RFX1: variants seen among roughly 807,000 people sequenced by gnomAD.
RFX1 encodes the protein MHC class II regulatory factor RFX1.
In RFX1, 42 loss-of-function variants were observed where a neutral mutation model predicts 119.6. That is an observed-to-expected ratio of 0.35 (90% CI 0.27 to 0.45). The LOEUF (loss-of-function observed/expected upper bound fraction) is 0.45, where lower values mean the gene tolerates loss of function less well. Ranked by LOEUF, RFX1 falls within the 20% of genes least tolerant of loss-of-function variation. The pLI is 1.00. For synonymous variants in RFX1, 628 were observed against 618.5 expected (o/e 1.02, Z -0.23); for missense variants, 1,118 against 1,368.1 (o/e 0.82, Z 2.88).
In RFX1 at chr19:13,968,606, G is replaced by T; in HGVS notation, c.1691C>A (p.Ser564Ter). ...AVGQQPSTGL[S>*]DISAQVQQYQ... ...CTGCTGCACCTGGGCGCTGATGTCCGACAGCCCCGTGCTCGGCTGCTGCCC... is the reference window on the plus strand; with the variant it reads ...CTGCTGCACCTGGGCGCTGATGTCCTACAGCCCCGTGCTCGGCTGCTGCCC... Residue 564 changes from serine to a stop codon, truncating the protein, a stop_gained, in exon 12 of 21, where the codon TCG (serine) becomes TAG (stop). Transcript: ENST00000254325. LOFTEE classifies it high-confidence loss of function. This position sits in a 1 kb window ranked among gnomAD's most constrained non-coding sequence, Gnocchi z 5.5. 6.2e-7 allele frequency: 1 copy of T among 1,613,336 alleles called. No homozygotes were observed. Among genetic ancestry groups the T allele is most frequent in the Non-Finnish European group, 8.5e-7 (1 of 1,179,978 alleles).
At chr19:13,967,523 C>A (rs908553225) in intron 12 of RFX1, among the ~76,000 whole-genome samples, 2 of 151,434 alleles carry the variant, frequency 1.3e-5, no homozygotes, top group African/African-American at 4.9e-5. Context: ...GTCGCCCAGG[C>A]TGCAGTGCAA....
At chr19:13,970,762 G>A (rs1239503286) in intron 9 of RFX1, among the ~76,000 whole-genome samples, 2 of 150,638 alleles carry the variant, frequency 1.3e-5, no homozygotes, top group African/African-American at 2.4e-5. Flanking sequence ...CAGGTGGGTG[G>A]ATCATGAGAT....
intron 5 of RFX1, among the ~76,000 whole-genome samples, chr19:13,981,305 G>A (rs998135096): frequency 1.3e-5 from 2 of 152,180 alleles, no homozygotes; most frequent in African/African-American, 4.8e-5. Context: ...GGCTCAGAAG[G>A]CTCAAAGGGG....
chr19:13,970,356 C>T (rs933485602), intron 9 of RFX1, among the ~76,000 whole-genome samples, 181 bp from the exon 10 acceptor site: 1 of 152,166 alleles, frequency 6.6e-6, no homozygotes, highest in East Asian at 1.9e-4. Context: ...TAGAACTGCA[C>T]TGTCCAATAC....
rs1473665700 is a variant in RFX1, at chr19:13,972,686, T to C, written c.1314+57A>G. 4.3e-6 allele frequency: 6 copies of C among 1,391,352 alleles called. No individual in the cohort carries two copies. In the South Asian group the frequency reaches 5.3e-5, roughly 12 times the overall value. 86.2% of individuals were successfully genotyped at this position (1,391,352 alleles called of 1,614,324 possible). A position where few individuals can be genotyped will look rare whatever the true frequency, so the allele number is the denominator to read the frequency against. ...TAACCACCGTCATGGACTGGGCTTC[T>C]AGTGCCCACCACCCACCACTGCCTG... On this transcript the variant is annotated intron_variant, in intron 9 of 20. Coordinates refer to ENST00000254325, the MANE Select transcript of RFX1 (RefSeq NM_002918.5).
intron 20 of RFX1, 35 bp from the exon 21 acceptor site, chr19:13,962,899 G>C (rs918494242): frequency 2.6e-6 from 4 of 1,537,898 alleles, no homozygotes; most frequent in African/African-American, 1.4e-5. Flanking sequence ...CTCGGGGCGG[G>C]GTGGCAACGC....
intron 1 of RFX1, among the ~76,000 whole-genome samples, chr19:14,005,732 A>G (rs1975349248): frequency 7.1e-6 from 1 of 141,124 alleles, no homozygotes; most frequent in South Asian, 2.5e-4. Context: ...GGCCCCGCCC[A>G]TACCTTCCCT....
intron 1 of RFX1, among the ~76,000 whole-genome samples, chr19:13,995,419 G>C (rs1238836805): frequency 6.6e-6 from 1 of 152,130 alleles, no homozygotes; most frequent in African/African-American, 2.4e-5. Context: ...TGGGCCCTCT[G>C]TCTGGGAGCA....
chr19:13,976,807 G>A (rs1974265288), intron 8 of RFX1, among the ~76,000 whole-genome samples: 1 of 151,658 alleles, frequency 6.6e-6, no homozygotes, highest in African/African-American at 2.4e-5. Context: ...TCGAGGAGAT[G>A]AGCCTGGGCA....
In RFX1 at chr19:13,985,521, G is replaced by A. The variant is rs1047423439; in HGVS notation, c.320-1926C>T. On this transcript the variant is annotated intron_variant, in intron 2 of 20. Coordinates refer to ENST00000254325, the MANE Select transcript of RFX1 (RefSeq NM_002918.5). The surrounding 1 kb of genome is among the most constrained non-coding windows in gnomAD (Gnocchi z 4.3). ...ACCCATTTTCAGACAAGGCAACAGA[G>A]ACCAGAAGCAAGGAAGTGATCTGTC... 1.3e-5 allele frequency among the ~76,000 whole-genome samples: 2 copies of A among 152,176 alleles called. No homozygotes were observed. The highest frequency in any genetic ancestry group is 2.4e-5 in the African/African-American group (1 of 41,446).
chr19:13,982,007 G>A, intron 5 of RFX1, 114 bp downstream of exon 5: 1 of 427,154 alleles, frequency 2.3e-6, no homozygotes, highest in Non-Finnish European at 4.1e-6. Context: ...CAGGACTTTG[G>A]AGGAGCAAGT....
chr19:13,997,847 C>T (rs534501110), intron 1 of RFX1, among the ~76,000 whole-genome samples: 9 of 152,246 alleles, frequency 5.9e-5, no homozygotes, highest in African/African-American at 2.2e-4. Flanking sequence ...CCCAGGGACT[C>T]GGGCAGCAGA....
chr19:13,968,585 T>C lies in RFX1; in HGVS notation c.1712A>G (p.Gln571Arg), dbSNP rs1973976601. ...TGLSDISAQV[Q>R]QYQQFLDASR... Reference sequence around the variant, plus strand: ...CTCACCCAAAAATTGCTGGTACTGCTGCACCTGGGCGCTGATGTCCGACAG... The same window carrying C: ...CTCACCCAAAAATTGCTGGTACTGCCGCACCTGGGCGCTGATGTCCGACAG... Residue 571 changes from glutamine (Q) to arginine (R), a missense_variant, in exon 12 of 21, where the codon CAG becomes CGG. Physicochemically the swap from Gln to Arg is conservative, Grantham distance 43 (BLOSUM62 1). This residue lies in a region of RFX1 where 338 missense variants were observed against 508.9 expected (regional missense o/e 0.66). Transcript: ENST00000254325. This position sits in a 1 kb window ranked among gnomAD's most constrained non-coding sequence, Gnocchi z 5.5. 2 of 1,613,300 alleles carry C rather than the reference T, an allele frequency of 1.2e-6. No individual in the cohort carries two copies. The highest frequency in any genetic ancestry group is 2.7e-5 in the African/African-American group (2 of 74,948).
intron 1 of RFX1, 148 bp from the exon 2 acceptor site, chr19:13,994,043 C>T (rs1209776221): frequency 3.5e-6 from 2 of 578,296 alleles, no homozygotes; most frequent in Non-Finnish European, 6.0e-6. Flanking sequence ...TAATTAAATC[C>T]CCAGGCTGGT....
At chr19:14,001,556 C>T (rs1366220174) in intron 1 of RFX1, among the ~76,000 whole-genome samples, 1 of 152,242 alleles carries the variant, frequency 6.6e-6, no homozygotes, top group Non-Finnish European at 1.5e-5. Flanking sequence ...ATGTCTCAGC[C>T]TCCCGAAGTG....
intron 1 of RFX1, among the ~76,000 whole-genome samples, chr19:14,005,330 C>A (rs1279898468): frequency 1.3e-5 from 2 of 152,222 alleles, no homozygotes; most frequent in African/African-American, 4.8e-5. Context: ...CTCCATGAAA[C>A]TTTGCTTCCT....
At chr19:14,006,721 C>A (rs1272755573), upstream of RFX1, 1 of 152,236 alleles carries the variant, frequency 6.6e-6, no homozygotes, top group Non-Finnish European at 1.5e-5. Context: ...AGTTGTAGTC[C>A]GCTCTTGCGT....
intron 7 of RFX1, 117 bp downstream of exon 7, chr19:13,979,330 G>A (rs1974355488): frequency 1.6e-6 from 1 of 624,412 alleles, no homozygotes; most frequent in Admixed American, 2.7e-5. Flanking sequence ...AGGATGTAGG[G>A]CAGTGTCTGC....
intron 1 of RFX1, among the ~76,000 whole-genome samples, chr19:13,994,717 ATATGTGTGTGTGTGTG>A (rs1195881889): frequency 2.8e-5 from 3 of 108,316 alleles, no homozygotes; most frequent in Admixed American, 1.1e-4. Context: ...GTCTAAATAT[ATATGTGTGTGTGTGTG>A]TGTGTGTGTG....
Sources: allele counts gnomAD v4.1 joint callset (sites outside exome capture counted in the v4.1 genomes callset), GRCh38; gene constraint gnomAD v4.1.1; regional missense constraint gnomAD v4.1.1; non-coding constraint Gnocchi (gnomAD v3.1); transcripts MANE v1.5; gene names NCBI Gene and HGNC (gene_info 2026-07-23, HGNC 2026-07-21).